NCF1: variants seen among roughly 807,000 people sequenced by gnomAD.
The protein encoded by NCF1 is neutrophil cytosolic factor 1.
NCF1 carries 8 observed loss-of-function variants against 34.9 expected under a neutral mutation model. The observed-to-expected ratio is 0.23, with a 90% CI of 0.13 to 0.41. NCF1 has a LOEUF of 0.41. Ranked by LOEUF, NCF1 falls within the 10% of genes least tolerant of loss-of-function variation. The pLI is 1.00. For synonymous variants in NCF1, 57 were observed against 146.3 expected (o/e 0.39, Z 4.41); for missense variants, 122 against 362.4 (o/e 0.34, Z 5.39).
chr7:74,783,167 C>T, intron 6 of NCF1, 106 bp downstream of exon 6: 1 of 1,553,276 alleles, frequency 6.4e-7, no homozygotes, highest in Non-Finnish European at 8.7e-7. Flanking sequence ...AGGACTCCGG[C>T]TCTGTTAGGG....
chr7:74,785,708 C>A lies in NCF1; in HGVS notation c.800+409C>A, dbSNP rs1357621171. ...GACCACCCTGGCCAACATGGCAAAA[C>A]CCTATCTCTACTAAAAACACAAACA... On this transcript the variant is annotated intron_variant, in intron 8 of 10. Transcript: ENST00000289473. 3.3e-5 allele frequency among the ~76,000 whole-genome samples: 5 copies of A among 151,880 alleles called. No homozygotes were observed. In the East Asian group the frequency reaches 9.7e-4, roughly 29 times the overall value.
chr7:74,777,297 C>T lies in NCF1; in HGVS notation c.103C>T (p.Leu35=), dbSNP rs375851395. 36 of 1,611,874 alleles carry T rather than the reference C, an allele frequency of 2.2e-5. No homozygotes were observed. The highest frequency in any genetic ancestry group is 8.5e-6 in the Non-Finnish European group (10 of 1,178,988). ...VYMFLVKWQD[L]SEKVVYRRFT... is the part of the protein sequence containing the mutation. ...CATGTTCCTGGTGAAATGGCAGGAC[C>T]TGTCGGAGAAGGTGGTCTACCGGCG... is the stretch of plus-strand genomic sequence containing the variant. The change falls in exon 2 of 11, where the codon CTG becomes TTG. Residue 35 remains leucine, a synonymous_variant. Transcript: ENST00000289473.
At chr7:74,788,732 G>A (rs1554414972) in intron 10 of NCF1, 28 bp downstream of exon 10, 3 of 1,551,784 alleles carry the variant, frequency 1.9e-6, no homozygotes, top group Non-Finnish European at 2.6e-6. Flanking sequence ...GGGCAGGAAG[G>A]GCAAGCCCTA....
chr7:74,783,785 G>A (rs1157653589), intron 7 of NCF1, among the ~76,000 whole-genome samples, 153 bp downstream of exon 7: 1 of 152,224 alleles, frequency 6.6e-6, no homozygotes, highest in Non-Finnish European at 1.5e-5. Flanking sequence ...GGGGGCCCTG[G>A]CAGGTTGTGA....
chr7:74,788,428 TGTCCCGCCGGGGTC>T, intron 9 of NCF1, 117 bp from the exon 10 acceptor site: 1 of 826,616 alleles, frequency 1.2e-6, no homozygotes, highest in Non-Finnish European at 1.8e-6. Flanking sequence ...AGCCGCCTCT[TGTCCCGCCGGGGTC>T]GTGCAGACTA....
intron 8 of NCF1, among the ~76,000 whole-genome samples, chr7:74,785,729 A>T (rs1796659109): frequency 1.3e-5 from 2 of 151,874 alleles, no homozygotes; most frequent in Admixed American, 1.3e-4. Flanking sequence ...CTAAAAACAC[A>T]AACATGAGCC....
intron 5 of NCF1, among the ~76,000 whole-genome samples, chr7:74,782,340 G>T (rs1294196744): frequency 2.2e-4 from 22 of 98,764 alleles, no homozygotes; most frequent in Non-Finnish European, 2.0e-4. Context: ...TTGGGAGGCT[G>T]AGGCAGGTGA....
Position 74,779,253 on chromosome 7 carries a change from C to T in NCF1, c.230-4C>T, listed in dbSNP as rs587595128. 2 of 1,611,864 alleles carry T rather than the reference C, an allele frequency of 1.2e-6. No homozygotes were observed. Among genetic ancestry groups the T allele is most frequent in the African/African-American group, 2.7e-5 (2 of 74,944 alleles). On this transcript the variant is annotated splice_region_variant and splice_polypyrimidine_tract_variant and intron_variant, in intron 3 of 10. Transcript: ENST00000289473. ...GGGCTTGACCTCATGTTCTCTGGTGCCAGCTCCCAAGTGGTTTGACGGGCA... is the reference window on the plus strand; with the variant it reads ...GGGCTTGACCTCATGTTCTCTGGTGTCAGCTCCCAAGTGGTTTGACGGGCA...
At chr7:74,783,100 C>T in intron 6 of NCF1, 39 bp downstream of exon 6, 1 of 1,592,712 alleles carries the variant, frequency 6.3e-7, no homozygotes, top group South Asian at 1.1e-5. Flanking sequence ...TCCCCTGGTG[C>T]TCAGGAACCC....
At position 74,788,660 on chromosome 7, in the gene NCF1, G is replaced by C; in HGVS notation, c.1007G>C (p.Arg336Pro). ...AGCGTCCGTTTTCTGCAGCAGCGAC[G>C]CCGCCAGGCGCGGCCGGGACCGCAG... ...RNSVRFLQQR[R>P]RQARPGPQSP... The change falls in exon 10 of 11, where the codon CGC (arginine) becomes CCC (proline). Residue 336 changes from arginine to proline, a missense_variant. By Grantham distance (103) the Arg-to-Pro change is moderately radical. Around this residue, in one of 9 missense-constraint regions of NCF1, gnomAD observed 15 missense variants for 58.8 expected, o/e 0.25. Transcript: ENST00000289473. The C allele has an allele frequency of 6.5e-7, 1 of 1,549,302 alleles. No homozygotes were observed. Among genetic ancestry groups the C allele is most frequent in the South Asian group, 1.2e-5 (1 of 84,874 alleles).
At chr7:74,778,983 G>C in intron 2 of NCF1, 99 bp from the exon 3 acceptor site, 1 of 616,064 alleles carries the variant, frequency 1.6e-6, no homozygotes, top group African/African-American at 1.9e-5. Flanking sequence ...CCTTTTAGGT[G>C]GTTTTGAGAG....
At chr7:74,785,657 A>T (rs1409900170) in intron 8 of NCF1, 2 of 352,756 alleles carry the variant, frequency 5.7e-6, no homozygotes, top group Non-Finnish European at 1.1e-5. Context: ...CCAGGACAGG[A>T]CGATCATGTG....
chr7:74,777,555 C>T (rs1554413189), intron 2 of NCF1: 5 of 571,806 alleles, frequency 8.7e-6, no homozygotes, highest in Non-Finnish European at 1.5e-5. Context: ...TGATTACAGG[C>T]ATGAGCCCCC....
intron 5 of NCF1, 127 bp from the exon 6 acceptor site, chr7:74,782,812 C>T (rs1246312634): frequency 1.0e-5 from 10 of 995,652 alleles, no homozygotes; most frequent in South Asian, 2.7e-5. Context: ...AGTGTGAGGC[C>T]GAAGCCTGGA....
chr7:74,783,127 T>C (rs1796605391), intron 6 of NCF1, 66 bp downstream of exon 6: 1 of 1,578,260 alleles, frequency 6.3e-7, no homozygotes, highest in Admixed American at 1.8e-5. Context: ...ACAAGCCCCC[T>C]GCCAAGGCTC....
At position 74,788,594 on chromosome 7, in the gene NCF1, G is replaced by A. The variant is rs1554414898; in HGVS notation, c.941G>A (p.Arg314Gln). 1 of 1,551,460 alleles carries A rather than the reference G, an allele frequency of 6.4e-7. No individual in the cohort carries two copies. Among genetic ancestry groups the A allele is most frequent in the South Asian group, 1.2e-5 (1 of 84,592 alleles). The change falls in exon 10 of 11, where the codon CGG (arginine) becomes CAG (glutamine). Residue 314 changes from arginine (R) to glutamine (Q), a missense_variant. This residue lies in a region of NCF1 where 13 missense variants were observed against 16.6 expected (regional missense o/e 0.78). Coordinates refer to ENST00000289473, the MANE Select transcript of NCF1 (RefSeq NM_000265.7). ...CGCAACGCGCACAGCATCCACCAGC[G>A]GTCGCGGAAGCGCCTCAGCCAGGAC... ...SIRNAHSIHQ[R>Q]SRKRLSQDAY...
At chr7:74,775,881 G>A (rs140034807) in intron 1 of NCF1, among the ~76,000 whole-genome samples, 2,842 of 150,570 alleles carry the variant, frequency 0.019, 66 homozygotes, top group South Asian at 0.036. Context: ...ATACAGGTGC[G>A]CGCCACCATG....
At chr7:74,783,144 C>T (rs1796605945) in intron 6 of NCF1, 83 bp downstream of exon 6, 2 of 1,578,600 alleles carry the variant, frequency 1.3e-6, no homozygotes. Context: ...GCTCAGGCAG[C>T]CTTGCCCCTG....
At chr7:74,788,842 G>C (rs1796723729) in intron 10 of NCF1, 138 bp downstream of exon 10, 2 of 1,347,088 alleles carry the variant, frequency 1.5e-6, no homozygotes, top group Non-Finnish European at 2.0e-6. Flanking sequence ...ACTGGAGGCG[G>C]GGTCAGAGGA....
Sources: gnomAD v4.1 joint callset for allele counts (sites outside exome capture counted in the v4.1 genomes callset) on GRCh38, gnomAD v4.1.1 for gene constraint, gnomAD v4.1.1 regional missense constraint, MANE v1.5 for transcripts, NCBI Gene and HGNC (gene_info 2026-07-23, HGNC 2026-07-21) for gene names.